The following EPB41L4A variants were observed in gnomAD, a reference collection of about 807,000 sequenced individuals.
The protein encoded by EPB41L4A is band 4.1-like protein 4A.
Under a neutral mutation model 108.6 loss-of-function variants are expected in EPB41L4A, and 100 were observed. That is an observed-to-expected ratio of 0.92 (90% confidence interval 0.78 to 1.09). The LOEUF is 1.09. Ranked by LOEUF, EPB41L4A falls within the 50% of genes least tolerant of loss-of-function variation. EPB41L4A has a pLI of 0.00. For missense variants in EPB41L4A, 1,030 were observed against 842.7 expected, an observed-to-expected ratio of 1.22 and a Z score of -2.75; for synonymous variants, 319 against 289.0, an observed-to-expected ratio of 1.10 and a Z score of -1.05.
chr5:112,418,413 C>G (rs1762844070), intron 1 of EPB41L4A, among the ~76,000 whole-genome samples: 1 of 152,118 alleles, frequency 6.6e-6, no homozygotes, highest in South Asian at 2.1e-4. Flanking sequence ...AAACCCAGGT[C>G]GCTGTAGAAA....
intron 1 of EPB41L4A, among the ~76,000 whole-genome samples, chr5:112,343,761 A>G (rs1166077935): frequency 3.9e-5 from 6 of 152,222 alleles, no homozygotes; most frequent in African/African-American, 4.8e-5. Flanking sequence ...AATAAATAGC[A>G]AGAGAGAGAG....
At chr5:112,403,683 G>C (rs1053412105) in intron 1 of EPB41L4A, among the ~76,000 whole-genome samples, 6 of 152,078 alleles carry the variant, frequency 3.9e-5, no homozygotes, top group African/African-American at 1.4e-4. Flanking sequence ...GTCCAACCTG[G>C]TCTCAAACTC....
chr5:112,181,343 C>T (rs4958005), intron 18 of EPB41L4A, among the ~76,000 whole-genome samples: 101,950 of 151,726 alleles, frequency 0.67, 35,131 homozygotes, highest in East Asian at 0.99. Context: ...CCCAGCTACT[C>T]GGGAGGCTGA....
chr5:112,189,055 T>C lies in EPB41L4A; in HGVS notation c.1503-4920A>G, dbSNP rs577063038. 2.0e-5 allele frequency among the ~76,000 whole-genome samples: 3 copies of C among 152,362 alleles called. No individual in the cohort carries two copies. In the East Asian group the frequency reaches 5.8e-4, roughly 29 times the overall value. On this transcript the variant is annotated intron_variant, in intron 17 of 22. Coordinates refer to ENST00000261486, the MANE Select transcript of EPB41L4A (RefSeq NM_022140.5). Reference sequence around the variant, plus strand: ...TATTTAAATCTGTCTTAATCTACTATTTAGATACTGTAGACATCTGGTAGA... The same window carrying C: ...TATTTAAATCTGTCTTAATCTACTACTTAGATACTGTAGACATCTGGTAGA...
intron 1 of EPB41L4A, among the ~76,000 whole-genome samples, chr5:112,365,100 C>T (rs1305091921): frequency 4.6e-5 from 7 of 152,168 alleles, no homozygotes; most frequent in Admixed American, 4.6e-4. Context: ...GATACTAAAT[C>T]AATGCTTGTT....
intron 12 of EPB41L4A, among the ~76,000 whole-genome samples, chr5:112,211,451 G>A (rs901588072): frequency 3.3e-5 from 5 of 152,114 alleles, no homozygotes; most frequent in African/African-American, 9.7e-5. Flanking sequence ...GCATGGTGGC[G>A]CATGCCTGTA....
chr5:112,198,569 A>T (rs975569751), intron 15 of EPB41L4A, among the ~76,000 whole-genome samples: 2 of 152,136 alleles, frequency 1.3e-5, no homozygotes, highest in Admixed American at 1.3e-4. Context: ...TGTTTCTTTA[A>T]TAGTTTCCTC....
At chr5:112,257,213 A>C (rs1487862524) in intron 9 of EPB41L4A, 3 of 152,220 alleles carry the variant, frequency 2.0e-5, no homozygotes, top group Non-Finnish European at 4.4e-5. Context: ...CTGGTGGAGA[A>C]AGAGAAAAGA....
At chr5:112,203,192 CT>C (rs1320356082) in intron 15 of EPB41L4A, among the ~76,000 whole-genome samples, 8 of 151,798 alleles carry the variant, frequency 5.3e-5, no homozygotes, top group Admixed American at 2.0e-4. Flanking sequence ...CCTATCCCTA[CT>C]AAAAATAAAA....
intron 13 of EPB41L4A, among the ~76,000 whole-genome samples, chr5:112,207,812 A>G (rs1171508711): frequency 6.6e-6 from 1 of 152,228 alleles, no homozygotes; most frequent in African/African-American, 2.4e-5. Flanking sequence ...ACACTTTTAC[A>G]CTGTTGGGGG....
chr5:112,180,132 A>G (rs1043607381), intron 18 of EPB41L4A, among the ~76,000 whole-genome samples: 2 of 152,214 alleles, frequency 1.3e-5, no homozygotes, highest in African/African-American at 4.8e-5. Context: ...GATGAATAAG[A>G]TATTTATTTT....
chr5:112,354,579 C>T (rs1201807245), intron 1 of EPB41L4A, among the ~76,000 whole-genome samples: 1 of 152,184 alleles, frequency 6.6e-6, no homozygotes, highest in Non-Finnish European at 1.5e-5. Flanking sequence ...CCCCACCTTA[C>T]CTCGCTTCCA....
At chr5:112,200,345 G>T (rs1397355834) in intron 15 of EPB41L4A, among the ~76,000 whole-genome samples, 5 of 152,186 alleles carry the variant, frequency 3.3e-5, no homozygotes, top group Middle Eastern at 3.4e-3. Flanking sequence ...CATTACACAG[G>T]CATCTATTTA....
chr5:112,262,656 T>G, intron 6 of EPB41L4A, 75 bp from the exon 7 acceptor site: 1 of 1,152,320 alleles, frequency 8.7e-7, no homozygotes, highest in Non-Finnish European at 1.3e-6. Context: ...ACTATCTTCA[T>G]TGTATTCAAT....
chr5:112,293,148 T>C (rs190595942), intron 2 of EPB41L4A, among the ~76,000 whole-genome samples: 76 of 152,320 alleles, frequency 5.0e-4, no homozygotes, highest in Non-Finnish European at 8.1e-4. Flanking sequence ...ATTTCTACCA[T>C]TCCTGATAGT....
chr5:112,169,263 C>T (rs1338055462), intron 20 of EPB41L4A, among the ~76,000 whole-genome samples, 158 bp from the exon 21 acceptor site: 1 of 152,102 alleles, frequency 6.6e-6, no homozygotes, highest in African/African-American at 2.4e-5. Flanking sequence ...TTAAATTTCA[C>T]AAGAAAAATG....
intron 16 of EPB41L4A, among the ~76,000 whole-genome samples, chr5:112,194,993 A>C (rs1761890269): frequency 1.3e-5 from 2 of 152,280 alleles, no homozygotes; most frequent in African/African-American, 4.8e-5. Context: ...AAAATCTTGT[A>C]ACCCTCCCAT....
chr5:112,270,695 G>T (rs959040175), intron 4 of EPB41L4A, among the ~76,000 whole-genome samples: 4 of 152,140 alleles, frequency 2.6e-5, no homozygotes, highest in African/African-American at 9.7e-5. Flanking sequence ...TTCAGTGAAA[G>T]GAGGAGACAG....
At chr5:112,213,357 T>G (rs77979390) in intron 12 of EPB41L4A, among the ~76,000 whole-genome samples, 63 of 152,052 alleles carry the variant, frequency 4.1e-4, no homozygotes, top group African/African-American at 1.4e-3. Context: ...TTTTTTGTTT[T>G]TTTTTTTTTA....
Sources: gnomAD v4.1 joint callset for allele counts (sites outside exome capture counted in the v4.1 genomes callset) on GRCh38, gnomAD v4.1.1 for gene constraint, MANE v1.5 for transcripts, NCBI Gene and HGNC (gene_info 2026-07-23, HGNC 2026-07-21) for gene names.